Variants in PTPRT observed in about 807,000 individuals in gnomAD.
The protein encoded by PTPRT is protein tyrosine phosphatase receptor type T.
PTPRT carries 56 observed loss-of-function variants against 176.8 expected under a neutral mutation model. The observed-to-expected ratio is 0.32, with a 90% CI of 0.26 to 0.40. The LOEUF is 0.40. PTPRT is among the 10% of genes least tolerant of loss of function. The pLI, the probability that PTPRT is intolerant of heterozygous loss-of-function variation, is 1.00. For synonymous variants in PTPRT, 783 were observed against 739.0 expected (o/e 1.06, Z -0.96); for missense variants, 1,540 against 1,908.2 (o/e 0.81, Z 3.60).
rs187751026 is a variant in PTPRT, at chr20:42,245,602, T to C, written c.2312+3085A>G. On this transcript the variant is annotated intron_variant, in intron 14 of 30. Transcript: ENST00000373187. Reference sequence around the variant, plus strand: ...CTAAATATAAATTAATTTAGCTTTTTTCATTAAACCCTTCCCTTCATCCAT... The same window carrying C: ...CTAAATATAAATTAATTTAGCTTTTCTCATTAAACCCTTCCCTTCATCCAT... Among the ~76,000 whole-genome samples, 442 of 152,324 alleles carry C rather than the reference T, an allele frequency of 2.9e-3. 2 individuals are homozygous for C. Among genetic ancestry groups the C allele is most frequent in the Non-Finnish European group, 4.9e-3 (332 of 68,030 alleles).
rs571033855 is a variant in PTPRT, at chr20:42,710,179, G to A, written c.860-32020C>T. ...GGGAGAGAAAGAAAGAACTTTTTCA[G>A]AAGAGGAATTCAAGTGGGCTATAGA... On this transcript the variant is annotated intron_variant, in intron 6 of 30. Coordinates refer to ENST00000373187, the MANE Select transcript of PTPRT (RefSeq NM_007050.6). 2.9e-3 allele frequency among the ~76,000 whole-genome samples: 441 copies of A among 152,268 alleles called. 4 individuals are homozygous for A. The highest frequency in any genetic ancestry group is 0.01 in the Middle Eastern group (3 of 294).
At chr20:42,427,520 T>C (rs2059176275) in intron 9 of PTPRT, among the ~76,000 whole-genome samples, 1 of 150,170 alleles carries the variant, frequency 6.7e-6, no homozygotes, top group Non-Finnish European at 1.5e-5. Context: ...GCCTTCTAGC[T>C]GTGTCTTAAC....
chr20:42,519,373 A>G (rs746074006), intron 7 of PTPRT, among the ~76,000 whole-genome samples: 4 of 152,102 alleles, frequency 2.6e-5, no homozygotes, highest in African/African-American at 4.8e-5. Context: ...CCCAAGGGAC[A>G]TCTGTCTTGT....
intron 2 of PTPRT, among the ~76,000 whole-genome samples, chr20:42,841,449 T>A (rs1163516041): frequency 6.6e-6 from 1 of 152,154 alleles, no homozygotes; most frequent in East Asian, 1.9e-4. Context: ...TATGGGCCCA[T>A]AAAACAGTCC....
intron 9 of PTPRT, among the ~76,000 whole-genome samples, chr20:42,404,210 G>A (rs771501430): frequency 1.3e-5 from 2 of 152,182 alleles, no homozygotes; most frequent in African/African-American, 4.8e-5. Flanking sequence ...AGAGGTGGAA[G>A]TTACTATACC....
intron 7 of PTPRT, among the ~76,000 whole-genome samples, chr20:42,622,329 C>T (rs1307940760): frequency 6.6e-6 from 1 of 151,984 alleles, no homozygotes; most frequent in African/African-American, 2.4e-5. Context: ...GCAAGCTCCA[C>T]CTCCTGGGTT....
chr20:42,774,913 T>C (rs746873677), intron 4 of PTPRT, among the ~76,000 whole-genome samples: 3 of 152,188 alleles, frequency 2.0e-5, no homozygotes, highest in Non-Finnish European at 4.4e-5. Flanking sequence ...CTGGCCTCTC[T>C]GACCCTCCTT....
intron 11 of PTPRT, among the ~76,000 whole-genome samples, chr20:42,323,203 G>T (rs990819418): frequency 6.6e-6 from 1 of 152,214 alleles, no homozygotes; most frequent in East Asian, 1.9e-4. Context: ...TCACTGTGGC[G>T]ATTCCTCAGG....
chr20:42,849,448 G>A lies in PTPRT; in HGVS notation c.214+36359C>T, dbSNP rs554956009. ...CAGGCATGTACTGCTTCTGGGGAAA[G>A]TGGAAACAGATCAGATGCAGGCACT... On this transcript the variant is annotated intron_variant, in intron 2 of 30. Transcript: ENST00000373187. Among the ~76,000 whole-genome samples the A allele has an allele frequency of 7.1e-4, 108 of 152,298 alleles. 1 individual carries two copies. The highest frequency in any genetic ancestry group is 2.5e-3 in the African/African-American group (105 of 41,560).
intron 7 of PTPRT, among the ~76,000 whole-genome samples, chr20:42,482,388 T>C (rs1003115590): frequency 6.6e-6 from 1 of 151,924 alleles, no homozygotes; most frequent in Admixed American, 6.6e-5. Flanking sequence ...AAGAAGAAAA[T>C]GAGGATAACA....
At position 42,163,455 on chromosome 20, in the gene PTPRT, T is replaced by C. The variant is rs556594762; in HGVS notation, c.2492-1913A>G. On this transcript the variant is annotated intron_variant, in intron 16 of 30. Coordinates refer to ENST00000373187, the MANE Select transcript of PTPRT (RefSeq NM_007050.6). Reference sequence around the variant, plus strand: ...GGGATTTTAGGTAATAGCTAGTACATGTTCACTGGCATTGCTTAAATGTAC... The same window carrying C: ...GGGATTTTAGGTAATAGCTAGTACACGTTCACTGGCATTGCTTAAATGTAC... Among the ~76,000 whole-genome samples the C allele has an allele frequency of 1.2e-4, 18 of 152,330 alleles. No homozygotes were observed. In the South Asian group the frequency reaches 2.9e-3, roughly 25 times the overall value.
At chr20:43,180,133 A>G (rs530032345) in intron 1 of PTPRT, among the ~76,000 whole-genome samples, 88 of 152,276 alleles carry the variant, frequency 5.8e-4, no homozygotes, top group African/African-American at 2.0e-3. Context: ...TCTTGGCTTG[A>G]GCTGGGACAT....
Position 43,042,069 on chromosome 20 carries a change from T to C in PTPRT, c.88+147577A>G, listed in dbSNP as rs543148681. Among the ~76,000 whole-genome samples the C allele has an allele frequency of 1.2e-4, 19 of 152,308 alleles. No homozygotes were observed. In the East Asian group the frequency reaches 3.7e-3, roughly 29 times the overall value. On this transcript the variant is annotated intron_variant, in intron 1 of 30. Transcript: ENST00000373187. Reference sequence around the variant, plus strand: ...CCTCCCTGAGCCTCAATTTCCCCATTTGTACAATAGCTGCTCCACTGAACT... The same window carrying C: ...CCTCCCTGAGCCTCAATTTCCCCATCTGTACAATAGCTGCTCCACTGAACT...
At chr20:42,714,966 G>C (rs976249) in intron 6 of PTPRT, among the ~76,000 whole-genome samples, 23,056 of 152,130 alleles carry the variant, frequency 0.15, 2,647 homozygotes, top group African/African-American at 0.32. Flanking sequence ...ACAGAAATGT[G>C]AGAGGTTGAC....
At chr20:42,546,317 T>C (rs989637141) in intron 7 of PTPRT, among the ~76,000 whole-genome samples, 5 of 152,050 alleles carry the variant, frequency 3.3e-5, no homozygotes, top group Admixed American at 6.6e-5. Flanking sequence ...AATGGCTGGA[T>C]TGGTTACAGC....
At chr20:42,925,634 G>A (rs1385589196) in intron 1 of PTPRT, among the ~76,000 whole-genome samples, 2 of 152,342 alleles carry the variant, frequency 1.3e-5, no homozygotes, top group East Asian at 3.9e-4. Flanking sequence ...TTGAGGCAGT[G>A]TTTTCAAGAC....
At chr20:42,517,569 G>A (rs2072092121) in intron 7 of PTPRT, among the ~76,000 whole-genome samples, 1 of 151,874 alleles carries the variant, frequency 6.6e-6, no homozygotes, top group Non-Finnish European at 1.5e-5. Flanking sequence ...ACTTTGAAGT[G>A]TGATGCATAG....
At chr20:42,772,663 A>G (rs2077079881) in intron 4 of PTPRT, among the ~76,000 whole-genome samples, 1 of 152,222 alleles carries the variant, frequency 6.6e-6, no homozygotes, top group Non-Finnish European at 1.5e-5. Flanking sequence ...TATGCCATCA[A>G]TCAAATCAGT....
chr20:42,212,180 G>A (rs951327006), intron 15 of PTPRT, among the ~76,000 whole-genome samples: 13 of 146,718 alleles, frequency 8.9e-5, no homozygotes, highest in African/African-American at 2.8e-4. Flanking sequence ...ATAGCATTGG[G>A]AGATATACCT....
Sources: gnomAD v4.1 joint callset for allele counts (sites outside exome capture counted in the v4.1 genomes callset) on GRCh38, gnomAD v4.1.1 for gene constraint, MANE v1.5 for transcripts, NCBI Gene and HGNC (gene_info 2026-07-23, HGNC 2026-07-21) for gene names.